Variants in NYAP1 observed in about 807,000 individuals in gnomAD.
NYAP1 encodes neuronal tyrosine-phosphorylated phosphoinositide-3-kinase adapter 1.
A neutral mutation model predicts 58.6 loss-of-function variants in NYAP1; 20 were observed. That is an observed-to-expected ratio of 0.34 (90% CI 0.24 to 0.50). NYAP1 has a LOEUF of 0.50. NYAP1 is among the 20% of genes least tolerant of loss of function. The pLI, the probability that NYAP1 is intolerant of heterozygous loss-of-function variation, is 0.98. For missense variants in NYAP1, 1,150 were observed against 1,194.5 expected (o/e 0.96, Z 0.55); for synonymous variants, 572 against 523.1 (o/e 1.09, Z -1.27).
rs550032781 is a variant in NYAP1, at chr7:100,485,681, C to T, written c.68+302C>T. Among the ~76,000 whole-genome samples, 2 of 152,316 alleles carry T rather than the reference C, an allele frequency of 1.3e-5. No individual in the cohort carries two copies. The highest frequency in any genetic ancestry group is 2.4e-5 in the African/African-American group (1 of 41,564). ...CTTTCTGCAAATTTGGGGCTGGCTG[C>T]GGGCTCTCCTGTCACCTGACCTTGG... On this transcript the variant is annotated intron_variant, in intron 2 of 6. Transcript: ENST00000300179. This position sits in a 1 kb window ranked among gnomAD's most constrained non-coding sequence, Gnocchi z 5.7.
In NYAP1 at chr7:100,494,451, C is replaced by T. The variant is rs1224049182; in HGVS notation, c.*548C>T. 2 of 152,254 alleles carry T rather than the reference C, an allele frequency of 1.3e-5. No individual in the cohort carries two copies. The highest frequency in any genetic ancestry group is 4.8e-5 in the African/African-American group (2 of 41,256). 9.4% of individuals were successfully genotyped at this position (152,254 alleles called of 1,614,324 possible). On this transcript the variant is annotated 3_prime_UTR_variant, in exon 7 of 7. Transcript: ENST00000300179. Reference sequence around the variant, plus strand: ...TCCCCAATGCCAATGCCTAAAGGCCCCGCCGTCCATGCCACCCCACAGCCA... The same window carrying T: ...TCCCCAATGCCAATGCCTAAAGGCCTCGCCGTCCATGCCACCCCACAGCCA...
In NYAP1 at chr7:100,485,257, C is replaced by G; in HGVS notation, c.-55C>G. 1 of 1,173,932 alleles carries G rather than the reference C, an allele frequency of 8.5e-7. No individual in the cohort carries two copies. The highest frequency in any genetic ancestry group is 1.2e-6 in the Non-Finnish European group (1 of 804,968). The allele number at this position is 1,173,932 out of a possible 1,614,324, so 72.7% of individuals were successfully genotyped here. On this transcript the variant is annotated 5_prime_UTR_variant, in exon 2 of 7. Transcript: ENST00000300179. This position sits in a 1 kb window ranked among gnomAD's most constrained non-coding sequence, Gnocchi z 5.7. Reference sequence around the variant, plus strand: ...TCCGGGACCCAGGGAGGGCCGCCCCCCGGGCCTGGTGGCACTGAGCAGGGC... The same window carrying G: ...TCCGGGACCCAGGGAGGGCCGCCCCGCGGGCCTGGTGGCACTGAGCAGGGC...
In NYAP1 at chr7:100,493,695, G is replaced by T; in HGVS notation, c.2318G>T (p.Arg773Leu). 6.3e-7 allele frequency: 1 copy of T among 1,593,926 alleles called. No individual in the cohort carries two copies. ...LPLPLPPQPARERDGKLLEVI... is the reference protein window; with the variant it reads ...LPLPLPPQPALERDGKLLEVI... ...CTGCCCCTGCCGCCCCAGCCGGCCC[G>T]CGAGCGTGACGGGAAGCTGCTGGAG... Residue 773 changes from arginine (R) to leucine (L), a missense_variant, in exon 7 of 7, where the codon CGC becomes CTC. Physicochemically the swap from Arg to Leu is moderately radical, Grantham distance 102 (BLOSUM62 -2). Transcript: ENST00000300179.
At position 100,488,338 on chromosome 7, in the gene NYAP1, C is replaced by T; in HGVS notation, c.617C>T (p.Pro206Leu). ...AGGGGGTCCCGAGTAGCTGGGGACC[C>T]TGATGTGGGTGCCCAGGAAGAGCCT... ...LTRGSRVAGD[P>L]DVGAQEEPVY... The change falls in exon 4 of 7, where the codon CCT becomes CTT. Residue 206 changes from proline to leucine, a missense_variant. Physicochemically the swap from Pro to Leu is moderately conservative, Grantham distance 98 (BLOSUM62 -3). Transcript: ENST00000300179. This position sits in a 1 kb window ranked among gnomAD's most constrained non-coding sequence, Gnocchi z 5.9. 3 of 1,607,164 alleles carry T rather than the reference C, an allele frequency of 1.9e-6. No homozygotes were observed. Among genetic ancestry groups the T allele is most frequent in the Middle Eastern group, 1.7e-4 (1 of 6,008 alleles).
In NYAP1 at chr7:100,485,272, C is replaced by G. The variant is rs770969046; in HGVS notation, c.-40C>G. 1.6e-5 allele frequency: 23 copies of G among 1,439,872 alleles called. No individual in the cohort carries two copies. The highest frequency in any genetic ancestry group is 2.0e-5 in the Non-Finnish European group (21 of 1,041,184). The allele number at this position is 1,439,872 out of a possible 1,614,324, so 89.2% of individuals were successfully genotyped here. A position where few individuals can be genotyped will look rare whatever the true frequency, so the allele number is the denominator to read the frequency against. Reference sequence around the variant, plus strand: ...GGGCCGCCCCCCGGGCCTGGTGGCACTGAGCAGGGCCCCCCAGCCCCCACC... The same window carrying G: ...GGGCCGCCCCCCGGGCCTGGTGGCAGTGAGCAGGGCCCCCCAGCCCCCACC... On this transcript the variant is annotated 5_prime_UTR_variant, in exon 2 of 7. Transcript: ENST00000300179. This position sits in a 1 kb window ranked among gnomAD's most constrained non-coding sequence, Gnocchi z 5.7.
Position 100,488,903 on chromosome 7 carries a change from G to C in NYAP1, c.1182G>C (p.Leu394=), listed in dbSNP as rs979799343. 2.5e-6 allele frequency: 4 copies of C among 1,593,836 alleles called. No homozygotes were observed. The highest frequency in any genetic ancestry group is 1.8e-5 in the Admixed American group (1 of 57,058). The change falls in exon 4 of 7, where the codon CTG becomes CTC. Residue 394 remains leucine, a synonymous_variant. Coordinates refer to ENST00000300179, the MANE Select transcript of NYAP1 (RefSeq NM_173564.4). The surrounding 1 kb of genome is among the most constrained non-coding windows in gnomAD (Gnocchi z 5.9). ...PPPPPPPAAN[L]LLLGPSGRAR... ...CGCCTCCACCTCCTGCTGCCAACCT[G>C]CTGCTGCTGGGACCATCGGGCCGGG...
At position 100,484,806 on chromosome 7, in the gene NYAP1, G is replaced by C. The variant is rs1584357512; in HGVS notation, c.-84-422G>C. Among the ~76,000 whole-genome samples the C allele has an allele frequency of 2.6e-5, 4 of 152,238 alleles. 1 individual carries two copies. The highest frequency in any genetic ancestry group is 2.6e-4 in the Admixed American group (4 of 15,292). ...GGTGTGTCTGTGGGTGTTTATGTCT[G>C]TGTGCCTGTCTATCCCTAGGTTTCT... On this transcript the variant is annotated intron_variant, in intron 1 of 6. Coordinates refer to ENST00000300179, the MANE Select transcript of NYAP1 (RefSeq NM_173564.4).
At chr7:100,491,768 G>C (rs919560588) in intron 6 of NYAP1, among the ~76,000 whole-genome samples, 3 of 152,130 alleles carry the variant, frequency 2.0e-5, no homozygotes, top group Non-Finnish European at 2.9e-5. Flanking sequence ...AAAAATTAGG[G>C]CCAGGTGCGG....
In NYAP1 at chr7:100,485,434, C is replaced by A; in HGVS notation, c.68+55C>A. ...CCTTCCGCACCTCTGCCTGCCCCCT[C>A]ACTGGGCCACAGCCCTTCTCGGGGG... On this transcript the variant is annotated intron_variant, in intron 2 of 6. Coordinates refer to ENST00000300179, the MANE Select transcript of NYAP1 (RefSeq NM_173564.4). This position sits in a 1 kb window ranked among gnomAD's most constrained non-coding sequence, Gnocchi z 5.7. 1 of 1,364,114 alleles carries A rather than the reference C, an allele frequency of 7.3e-7. No homozygotes were observed. Among genetic ancestry groups the A allele is most frequent in the Non-Finnish European group, 1.0e-6 (1 of 977,020 alleles). 84.5% of individuals were successfully genotyped at this position (1,364,114 alleles called of 1,614,324 possible).
chr7:100,488,510 G>A lies in NYAP1; in HGVS notation c.789G>A (p.Glu263=), dbSNP rs772867483. 6 of 1,612,358 alleles carry A rather than the reference G, an allele frequency of 3.7e-6. No homozygotes were observed. The South Asian group carries it at 5.5e-5, about 15-fold the overall frequency. The change falls in exon 4 of 7, where the codon GAG becomes GAA. Residue 263 remains glutamate (E), a synonymous_variant. Transcript: ENST00000300179. This position sits in a 1 kb window ranked among gnomAD's most constrained non-coding sequence, Gnocchi z 5.9. ...AAGAGAGTGAGGCCATCTATGAAGA[G>A]ATGAAGTACCCGCTGCCGGAAGAGG... ...DSEESEAIYE[E]MKYPLPEEAG... is the part of the protein sequence containing the mutation.
chr7:100,484,773 GGTCTGTGGGTGT>G (rs985230664), intron 1 of NYAP1, among the ~76,000 whole-genome samples: 11 of 152,152 alleles, frequency 7.2e-5, no homozygotes, highest in African/African-American at 2.4e-4. Flanking sequence ...TGTGTCTGGA[GGTCTGTGGGTGT>G]GTCTGTGGGT....
chr7:100,489,042 G>GC lies in NYAP1; in HGVS notation c.1328dup (p.Ala444CysfsTer122). ...CCCTAAGGCGGCGGGGGCGCCGGCA[G>GC]CCCCCCCTGCCCCGGCCGCCTTGCT... On this transcript the variant is annotated frameshift_variant, in exon 4 of 7. Transcript: ENST00000300179. LOFTEE classifies it high-confidence loss of function. The GC allele has an allele frequency of 6.5e-6, 10 of 1,540,432 alleles. No individual in the cohort carries two copies. Among genetic ancestry groups the GC allele is most frequent in the Admixed American group, 2.0e-5 (1 of 49,518 alleles).
rs943548247 is a variant in NYAP1 at position 100,485,003 on chromosome 7, TGACCTG to T, written c.-84-223_-84-218del. Reference sequence around the variant, plus strand: ...CTTTACACAAGAAGGGAATCTGTGTTGACCTGGTCTCTCCAGAGTGTGTATTTGGGG... The same window carrying T: ...CTTTACACAAGAAGGGAATCTGTGTTGTCTCTCCAGAGTGTGTATTTGGGG... On this transcript the variant is annotated intron_variant, in intron 1 of 6. Coordinates refer to ENST00000300179, the MANE Select transcript of NYAP1 (RefSeq NM_173564.4). This position sits in a 1 kb window ranked among gnomAD's most constrained non-coding sequence, Gnocchi z 5.7. Among the ~76,000 whole-genome samples, 10 of 152,078 alleles carry T rather than the reference TGACCTG, an allele frequency of 6.6e-5. No individual in the cohort carries two copies. Among genetic ancestry groups the T allele is most frequent in the African/African-American group, 2.4e-4 (10 of 41,404 alleles).
At position 100,485,210 on chromosome 7, in the gene NYAP1, A is replaced by ACCCC; in HGVS notation, c.-84-15_-84-14insCCCC. ...CCACCTTTCTTTTTTTTCCGTTCTC[A>ACCCC]CCCACCCCGCCCGCCAGTGGATCCG... On this transcript the variant is annotated splice_polypyrimidine_tract_variant and intron_variant, in intron 1 of 6. Transcript: ENST00000300179. This position sits in a 1 kb window ranked among gnomAD's most constrained non-coding sequence, Gnocchi z 5.7. The ACCCC allele has an allele frequency of 3.5e-6, 2 of 563,438 alleles. No homozygotes were observed. The highest frequency in any genetic ancestry group is 6.3e-6 in the Non-Finnish European group (2 of 315,126). 34.9% of individuals were successfully genotyped at this position (563,438 alleles called of 1,614,324 possible).
rs1385689152 is a variant in NYAP1, at chr7:100,494,265, G to A, written c.*362G>A. 1 of 228,502 alleles carries A rather than the reference G, an allele frequency of 4.4e-6. No individual in the cohort carries two copies. Among genetic ancestry groups the A allele is most frequent in the East Asian group, 8.8e-5 (1 of 11,370 alleles). The allele number at this position is 228,502 out of a possible 1,614,324, so 14.2% of individuals were successfully genotyped here. A position where few individuals can be genotyped will look rare whatever the true frequency, so the allele number is the denominator to read the frequency against. Reference sequence around the variant, plus strand: ...GAAGAGGGGGGTGGGTGAGCTGAAAGAGAGGGACTAGAGTGCCAGATGGAG... The same window carrying A: ...GAAGAGGGGGGTGGGTGAGCTGAAAAAGAGGGACTAGAGTGCCAGATGGAG... On this transcript the variant is annotated 3_prime_UTR_variant, in exon 7 of 7. Coordinates refer to ENST00000300179, the MANE Select transcript of NYAP1 (RefSeq NM_173564.4).
chr7:100,493,264 C>T (rs1256729735), intron 6 of NYAP1, among the ~76,000 whole-genome samples: 1 of 152,034 alleles, frequency 6.6e-6, no homozygotes, highest in African/African-American at 2.4e-5. Context: ...GGGAGGCTGA[C>T]ACTGGAGGAT....
rs1203943290 is a variant in NYAP1, at chr7:100,490,414, C to A, written c.1946-103C>A. On this transcript the variant is annotated intron_variant, in intron 4 of 6. Coordinates refer to ENST00000300179, the MANE Select transcript of NYAP1 (RefSeq NM_173564.4). This position sits in a 1 kb window ranked among gnomAD's most constrained non-coding sequence, Gnocchi z 4.6. Reference sequence around the variant, plus strand: ...TCCCAGCCGTTACTTGCAAAAGGGGCAATTGTGTCTCCTGGTCCACCCATA... The same window carrying A: ...TCCCAGCCGTTACTTGCAAAAGGGGAAATTGTGTCTCCTGGTCCACCCATA... The A allele has an allele frequency of 4.6e-6, 5 of 1,095,162 alleles. No homozygotes were observed. The African/African-American group carries it at 6.2e-5, about 14-fold the overall frequency. 67.8% of individuals were successfully genotyped at this position (1,095,162 alleles called of 1,614,324 possible).
Position 100,487,243 on chromosome 7 carries a change from C to T in NYAP1, c.430+61C>T. 2 of 1,436,374 alleles carry T rather than the reference C, an allele frequency of 1.4e-6. No individual in the cohort carries two copies. Among genetic ancestry groups the T allele is most frequent in the Non-Finnish European group, 1.8e-6 (2 of 1,091,008 alleles). 89.0% of individuals were successfully genotyped at this position (1,436,374 alleles called of 1,614,324 possible). A position where few individuals can be genotyped will look rare whatever the true frequency, so the allele number is the denominator to read the frequency against. On this transcript the variant is annotated intron_variant, in intron 3 of 6. Coordinates refer to ENST00000300179, the MANE Select transcript of NYAP1 (RefSeq NM_173564.4). The surrounding 1 kb of genome is among the most constrained non-coding windows in gnomAD (Gnocchi z 4.1). ...GGGAGCTGGGAGGATCTATTCCACG[C>T]CCGGGGAGGCTTGCCGGGAGGGTTC...
chr7:100,485,490 A>G lies in NYAP1; in HGVS notation c.68+111A>G, dbSNP rs1017679558. ...AGCCTTGTCATGAGTGAGCTCTCTG[A>G]TCTCAGAGTCAGTACGGAATGGCCA... On this transcript the variant is annotated intron_variant, in intron 2 of 6. Transcript: ENST00000300179. The surrounding 1 kb of genome is among the most constrained non-coding windows in gnomAD (Gnocchi z 5.7). 1.5e-5 allele frequency: 12 copies of G among 787,920 alleles called. No individual in the cohort carries two copies. Among genetic ancestry groups the G allele is most frequent in the Non-Finnish European group, 2.3e-5 (11 of 472,042 alleles). The allele number at this position is 787,920 out of a possible 1,614,324, so 48.8% of individuals were successfully genotyped here.
Sources: allele counts gnomAD v4.1 joint callset (sites outside exome capture counted in the v4.1 genomes callset), GRCh38; gene constraint gnomAD v4.1.1; non-coding constraint Gnocchi (gnomAD v3.1); transcripts MANE v1.5; gene names NCBI Gene and HGNC (gene_info 2026-07-23, HGNC 2026-07-21).